Variants in NT5DC3 observed in about 807,000 individuals in gnomAD.
NT5DC3 encodes the protein 5'-nucleotidase domain containing 3.
Under a neutral mutation model 67.8 loss-of-function variants are expected in NT5DC3, and 42 were observed. That is an observed-to-expected ratio of 0.62 (90% CI 0.48 to 0.80). The LOEUF is 0.80. Ranked by LOEUF, NT5DC3 falls within the 30% of genes least tolerant of loss-of-function variation. NT5DC3 has a pLI of 0.00. For missense variants in NT5DC3, 570 were observed against 696.4 expected, an observed-to-expected ratio of 0.82 and a Z score of 2.04; for synonymous variants, 237 against 255.6, an observed-to-expected ratio of 0.93 and a Z score of 0.69.
chr12:103,805,290 T>TA (rs1415616726), intron 4 of NT5DC3, among the ~76,000 whole-genome samples: 1 of 152,186 alleles, frequency 6.6e-6, no homozygotes, highest in African/African-American at 2.4e-5. Flanking sequence ...CTAAAGACTT[T>TA]AAAGGTTTTA....
Position 103,790,112 on chromosome 12 carries a change from T to C in NT5DC3, c.1020-1193A>G, listed in dbSNP as rs371942683. Among the ~76,000 whole-genome samples, 19 of 152,252 alleles carry C rather than the reference T, an allele frequency of 1.2e-4. No homozygotes were observed. In the East Asian group the frequency reaches 2.5e-3, roughly 20 times the overall value. ...CTTTTTTTTTTCCCAAATACATTTTTGGTTTTTTTGGAGAAAGGGTCTCAC... is the reference window on the plus strand; with the variant it reads ...CTTTTTTTTTTCCCAAATACATTTTCGGTTTTTTTGGAGAAAGGGTCTCAC... On this transcript the variant is annotated intron_variant, in intron 9 of 13. Coordinates refer to ENST00000392876, the MANE Select transcript of NT5DC3 (RefSeq NM_001031701.3).
the NT5DC3 span, among the ~76,000 whole-genome samples, chr12:103,747,677 A>C: frequency 6.6e-6 from 1 of 152,144 alleles, no homozygotes; most frequent in East Asian, 1.9e-4. Flanking sequence ...CCATGAACCC[A>C]CCTGAAAATC....
chr12:103,754,240 G>A, the NT5DC3 span, among the ~76,000 whole-genome samples: 3 of 151,950 alleles, frequency 2.0e-5, no homozygotes, highest in African/African-American at 7.3e-5. Context: ...ATGTGGCCTT[G>A]ATATCAAGCC....
chr12:103,797,099 C>G, intron 5 of NT5DC3, 68 bp from the exon 6 acceptor site: 2 of 1,530,612 alleles, frequency 1.3e-6, no homozygotes, highest in African/African-American at 2.7e-5. Flanking sequence ...CACGAAGCAC[C>G]AGGAACAGCA....
chr12:103,788,805 A>AGCAAC, intron 10 of NT5DC3, 33 bp downstream of exon 10: 1 of 1,428,714 alleles, frequency 7.0e-7, no homozygotes, highest in South Asian at 1.1e-5. Flanking sequence ...CACAAAGCAA[A>AGCAAC]GCAACAAAAA....
chr12:103,785,335 C>T lies in NT5DC3; in HGVS notation c.1329G>A (p.Gln443=), dbSNP rs753113990. Residue 443 remains glutamine (Q), a splice_region_variant and synonymous_variant, in exon 12 of 14, where the codon CAG becomes CAA. Coordinates refer to ENST00000392876, the MANE Select transcript of NT5DC3 (RefSeq NM_001031701.3). ...AGAGAGAAAAATAATATATCCAAAC[C>T]TGCATCTGTTCCAATAAGCCAGTCA... is the stretch of plus-strand genomic sequence containing the variant. ...QTLTGLLEQM[Q]VHRDAESQLV... is the part of the protein sequence containing the mutation. The T allele has an allele frequency of 9.9e-6, 16 of 1,613,858 alleles. No homozygotes were observed. The highest frequency in any genetic ancestry group is 1.3e-5 in the African/African-American group (1 of 74,906).
intron 1 of NT5DC3, among the ~76,000 whole-genome samples, chr12:103,837,835 T>A (rs1372154578): frequency 6.6e-6 from 1 of 152,210 alleles, no homozygotes; most frequent in African/African-American, 2.4e-5. Flanking sequence ...TTCTTCTGAG[T>A]CCTCCAAACT....
chr12:103,825,666 T>C (rs12307138), intron 1 of NT5DC3, among the ~76,000 whole-genome samples: 27,507 of 152,094 alleles, frequency 0.18, 2,691 homozygotes, highest in Non-Finnish European at 0.22. Context: ...AGGTAGCTAA[T>C]TGGGAGGCTG....
At position 103,841,146 on chromosome 12, in the gene NT5DC3, G is replaced by A; in HGVS notation, c.11C>T (p.Ala4Val). Residue 4 changes from alanine (A) to valine (V), a missense_variant, in exon 1 of 14, where the codon GCA (alanine) becomes GTA (valine). Physicochemically the swap from Ala to Val is moderately conservative, Grantham distance 64 (BLOSUM62 0). This residue lies in a region of NT5DC3 where 104 missense variants were observed against 88.4 expected (regional missense o/e 1.18). Transcript: ENST00000392876. The part of the protein sequence containing the change: MTM[A>V]AAAVVARGAG... ...CCCGCGTGCCACCACCGCCGCCGCT[G>A]CCATGGTCATGCCTGCTGCCTGCTG... 1 of 800,594 alleles carries A rather than the reference G, an allele frequency of 1.2e-6. No homozygotes were observed. Among genetic ancestry groups the A allele is most frequent in the Non-Finnish European group, 1.8e-6 (1 of 559,658 alleles). The allele number at this position is 800,594 out of a possible 1,614,324, so 49.6% of individuals were successfully genotyped here.
chr12:103,750,674 T>C, the NT5DC3 span: 18 of 1,614,226 alleles, frequency 1.1e-5, no homozygotes, highest in Non-Finnish European at 1.4e-5. Flanking sequence ...TACAGGACAA[T>C]GGGCAGTGCC....
At chr12:103,790,979 G>A (rs749528884) in intron 9 of NT5DC3, among the ~76,000 whole-genome samples, 4 of 152,160 alleles carry the variant, frequency 2.6e-5, no homozygotes, top group East Asian at 1.9e-4. Flanking sequence ...GTGAGCCACC[G>A]CACCCGGCCA....
At chr12:103,804,973 C>T (rs979970215) in intron 4 of NT5DC3, among the ~76,000 whole-genome samples, 10 of 151,864 alleles carry the variant, frequency 6.6e-5, no homozygotes, top group South Asian at 2.1e-4. Context: ...ATCACTTGAA[C>T]CTGGGAGGCA....
At chr12:103,783,558 C>T (rs1163966527) in intron 12 of NT5DC3, among the ~76,000 whole-genome samples, 1 of 152,184 alleles carries the variant, frequency 6.6e-6, no homozygotes, top group East Asian at 1.9e-4. Context: ...ATTCTGCCAA[C>T]CGAGAACTGT....
intron 1 of NT5DC3, among the ~76,000 whole-genome samples, chr12:103,815,733 T>C (rs928628650): frequency 3.9e-5 from 6 of 152,162 alleles, no homozygotes; most frequent in African/African-American, 4.8e-5. Flanking sequence ...ATGGTGATGG[T>C]TGAACACCTC....
intron 9 of NT5DC3, among the ~76,000 whole-genome samples, chr12:103,792,046 A>G (rs1436136905): frequency 6.6e-6 from 1 of 151,950 alleles, no homozygotes; most frequent in African/African-American, 2.4e-5. Flanking sequence ...TGCACTGATC[A>G]CCCCAGAGTT....
In NT5DC3 at chr12:103,806,830, A is replaced by T. The variant is rs141581754; in HGVS notation, c.468+25T>A. ...TCATTTCCAAACATCATTAAACCAT[A>T]GAAAAACAGGAGAAGTAAACCTACC... On this transcript the variant is annotated intron_variant, in intron 3 of 13. Coordinates refer to ENST00000392876, the MANE Select transcript of NT5DC3 (RefSeq NM_001031701.3). 102 of 1,440,952 alleles carry T rather than the reference A, an allele frequency of 7.1e-5. 1 individual carries two copies. In the African/African-American group the frequency reaches 1.2e-3, roughly 17 times the overall value. 89.3% of individuals were successfully genotyped at this position (1,440,952 alleles called of 1,614,324 possible).
chr12:103,779,999 G>T (rs1163022350), intron 13 of NT5DC3, among the ~76,000 whole-genome samples: 1 of 152,186 alleles, frequency 6.6e-6, no homozygotes, highest in South Asian at 2.1e-4. Context: ...CCCACCAGCT[G>T]CCCAGATGGG....
the NT5DC3 span, among the ~76,000 whole-genome samples, chr12:103,748,014 A>G: frequency 1.3e-5 from 2 of 149,856 alleles, no homozygotes; most frequent in South Asian, 2.1e-4. Context: ...AAAAAAAAAA[A>G]GGGAAGAAGA....
intron 2 of NT5DC3, among the ~76,000 whole-genome samples, chr12:103,808,984 A>G (rs1248223851): frequency 1.3e-5 from 2 of 152,198 alleles, no homozygotes; most frequent in African/African-American, 4.8e-5. Flanking sequence ...CTATTTTACT[A>G]TTGAATAATC....
Sources: gnomAD v4.1 joint callset for allele counts (sites outside exome capture counted in the v4.1 genomes callset) on GRCh38, gnomAD v4.1.1 for gene constraint, gnomAD v4.1.1 regional missense constraint, MANE v1.5 for transcripts, NCBI Gene and HGNC (gene_info 2026-07-23, HGNC 2026-07-21) for gene names.